Variants in BCAS3 observed in about 807,000 individuals in gnomAD.
The protein encoded by BCAS3 is BCAS3 microtubule associated cell migration factor, also known as BCAS4/BCAS3 fusion.
BCAS3 carries 53 observed loss-of-function variants against 116.1 expected under a neutral mutation model. That is an observed-to-expected ratio of 0.46 (90% CI 0.37 to 0.57). The LOEUF (loss-of-function observed/expected upper bound fraction) is 0.57. BCAS3 is among the 20% of genes least tolerant of loss of function. The pLI, the probability that BCAS3 is intolerant of heterozygous loss-of-function variation, is 0.00. For missense variants in BCAS3, 917 were observed against 1,165.4 expected (o/e 0.79, Z 3.10); for synonymous variants, 391 against 408.2 (o/e 0.96, Z 0.51).
chr17:61,246,018 A>T (rs1478004845), intron 22 of BCAS3, among the ~76,000 whole-genome samples: 1 of 152,142 alleles, frequency 6.6e-6, no homozygotes, highest in Admixed American at 6.5e-5. Flanking sequence ...TTCCACAGTG[A>T]TTGGGAGGGC....
rs1005605157 is a variant in BCAS3 at position 61,282,117 on chromosome 17, T to C, written c.2426-86210T>C. Among the ~76,000 whole-genome samples the C allele has an allele frequency of 6.6e-6, 1 of 152,238 alleles. No homozygotes were observed. Among genetic ancestry groups the C allele is most frequent in the African/African-American group, 2.4e-5 (1 of 41,460 alleles). On this transcript the variant is annotated intron_variant, in intron 22 of 23. Transcript: ENST00000407086. The surrounding 1 kb of genome is among the most constrained non-coding windows in gnomAD (Gnocchi z 5.9). The stretch of plus-strand genomic sequence containing the variant: ...ATCTAATAAGATCAAGTGAATTTAA[T>C]ATATGAGAAAGTCCTTTTTAAAGTA...
At position 61,380,651 on chromosome 17, in the gene BCAS3, C is replaced by T; in HGVS notation, c.2594-11326C>T. ...TGTCCCTCAAGAGGGTGCCCTCCTA[C>T]CCCCTCGTGCCCAGGCCCAGGAGCA... On this transcript the variant is annotated intron_variant, in intron 23 of 23. Coordinates refer to ENST00000407086, the MANE Select transcript of BCAS3 (RefSeq NM_017679.5). This position sits in a 1 kb window ranked among gnomAD's most constrained non-coding sequence, Gnocchi z 4.2. 4 of 1,352,382 alleles carry T rather than the reference C, an allele frequency of 3.0e-6. No homozygotes were observed. Among genetic ancestry groups the T allele is most frequent in the Non-Finnish European group, 4.1e-6 (4 of 969,006 alleles). The allele number at this position is 1,352,382 out of a possible 1,614,324, so 83.8% of individuals were successfully genotyped here.
At chr17:61,322,803 AG>A (rs2055347087) in intron 22 of BCAS3, among the ~76,000 whole-genome samples, 1 of 129,290 alleles carries the variant, frequency 7.7e-6, no homozygotes, top group South Asian at 2.5e-4. Context: ...ACAGAGAGAG[AG>A]AGAGAGAGAG....
chr17:60,801,467 G>A (rs1182422228), intron 6 of BCAS3, among the ~76,000 whole-genome samples: 2 of 150,560 alleles, frequency 1.3e-5, no homozygotes, highest in Non-Finnish European at 3.0e-5. Context: ...TTCCTTTCTG[G>A]TCTATGACTT....
chr17:60,705,017 A>G (rs2036930644), intron 4 of BCAS3, among the ~76,000 whole-genome samples: 1 of 151,964 alleles, frequency 6.6e-6, no homozygotes, highest in Non-Finnish European at 1.5e-5. Flanking sequence ...CACACATGAT[A>G]CTCTATGGAA....
At chr17:61,168,886 G>A (rs937311473) in intron 22 of BCAS3, among the ~76,000 whole-genome samples, 2 of 152,160 alleles carry the variant, frequency 1.3e-5, no homozygotes, top group African/African-American at 2.4e-5. Flanking sequence ...GTCTAGAGTA[G>A]TATAAACTGA....
At chr17:60,886,415 T>A (rs1428017937) in intron 9 of BCAS3, 1 of 152,020 alleles carries the variant, frequency 6.6e-6, no homozygotes, top group African/African-American at 2.4e-5. Flanking sequence ...TCAGAGTAAT[T>A]CGATCGTCTG....
At chr17:61,296,000 T>C (rs182072723) in intron 22 of BCAS3, among the ~76,000 whole-genome samples, 1 of 151,992 alleles carries the variant, frequency 6.6e-6, no homozygotes, top group African/African-American at 2.4e-5. Flanking sequence ...TCATCACAAT[T>C]TTCAACACAA....
chr17:61,295,992 A>G (rs2052870688), intron 22 of BCAS3, among the ~76,000 whole-genome samples: 1 of 151,910 alleles, frequency 6.6e-6, no homozygotes, highest in African/African-American at 2.4e-5. Context: ...TCCGTAGGTC[A>G]TCACAATTTT....
intron 22 of BCAS3, among the ~76,000 whole-genome samples, chr17:61,173,066 A>T (rs2078947100): frequency 6.6e-6 from 1 of 152,214 alleles, no homozygotes; most frequent in Non-Finnish European, 1.5e-5. Context: ...AGAAATCAGT[A>T]GCCTTAAGGG....
At chr17:60,907,829 C>T (rs2058266347) in intron 11 of BCAS3, among the ~76,000 whole-genome samples, 1 of 152,132 alleles carries the variant, frequency 6.6e-6, no homozygotes. Flanking sequence ...TATACATACT[C>T]TGTCTACTAA....
At chr17:60,921,717 G>A (rs992854465) in intron 12 of BCAS3, among the ~76,000 whole-genome samples, 4 of 149,734 alleles carry the variant, frequency 2.7e-5, no homozygotes, top group Admixed American at 1.3e-4. Flanking sequence ...GGAAGGAGGA[G>A]TATGGGTTCC....
At chr17:60,939,050 C>T (rs2060091825) in intron 13 of BCAS3, among the ~76,000 whole-genome samples, 3 of 152,118 alleles carry the variant, frequency 2.0e-5, no homozygotes, top group Admixed American at 1.3e-4. Context: ...AATTTCTCTC[C>T]TAAATATTCA....
rs974565990 is a variant in BCAS3 at position 61,265,527 on chromosome 17, T to G, written c.2426-102800T>G. On this transcript the variant is annotated intron_variant, in intron 22 of 23. Coordinates refer to ENST00000407086, the MANE Select transcript of BCAS3 (RefSeq NM_017679.5). This position sits in a 1 kb window ranked among gnomAD's most constrained non-coding sequence, Gnocchi z 4.3. ...AATCAACATCTCCCTTGGAAAATAC[T>G]CTAGACCAAATTTCTGCTTCTGTGG... Among the ~76,000 whole-genome samples, 16 of 152,180 alleles carry G rather than the reference T, an allele frequency of 1.1e-4. No individual in the cohort carries two copies. Among genetic ancestry groups the G allele is most frequent in the African/African-American group, 3.9e-4 (16 of 41,446 alleles).
At chr17:61,195,904 G>A (rs11867840) in intron 22 of BCAS3, among the ~76,000 whole-genome samples, 90,857 of 152,120 alleles carry the variant, frequency 0.6, 32,362 homozygotes, top group South Asian at 0.85. Flanking sequence ...ATGATTGTTT[G>A]TAGACTGTAG....
chr17:61,110,535 C>T (rs1023333344), intron 22 of BCAS3, among the ~76,000 whole-genome samples: 5 of 151,382 alleles, frequency 3.3e-5, no homozygotes, highest in African/African-American at 7.3e-5. Flanking sequence ...CTTTTCGGAC[C>T]GGCTTAAAAA....
chr17:61,337,109 T>C lies in BCAS3; in HGVS notation c.2426-31218T>C, dbSNP rs999424924. ...GCCTGGGTGACAGAGCAAGACTCCA[T>C]CTCAAAAAAAAACAACAACAAACTT... On this transcript the variant is annotated intron_variant, in intron 22 of 23. Coordinates refer to ENST00000407086, the MANE Select transcript of BCAS3 (RefSeq NM_017679.5). The surrounding 1 kb of genome is among the most constrained non-coding windows in gnomAD (Gnocchi z 4.8). 1.3e-5 allele frequency among the ~76,000 whole-genome samples: 2 copies of C among 148,860 alleles called. No individual in the cohort carries two copies. Among genetic ancestry groups the C allele is most frequent in the African/African-American group, 5.0e-5 (2 of 39,804 alleles).
chr17:60,841,426 C>G (rs2051894430), intron 7 of BCAS3, among the ~76,000 whole-genome samples: 1 of 149,518 alleles, frequency 6.7e-6, no homozygotes, highest in Non-Finnish European at 1.5e-5. Flanking sequence ...GTCACTCAGG[C>G]TGGAGTGCAG....
chr17:60,788,563 A>G (rs1364525540), intron 6 of BCAS3, among the ~76,000 whole-genome samples: 1 of 152,164 alleles, frequency 6.6e-6, no homozygotes, highest in African/African-American at 2.4e-5. Context: ...TATTTGAGGG[A>G]AATGGCAAAG....
Sources: allele counts gnomAD v4.1 joint callset (sites outside exome capture counted in the v4.1 genomes callset), GRCh38; gene constraint gnomAD v4.1.1; non-coding constraint Gnocchi (gnomAD v3.1); transcripts MANE v1.5; gene names NCBI Gene and HGNC (gene_info 2026-07-23, HGNC 2026-07-21).